Variants in DAB1 observed in about 807,000 individuals in gnomAD.
The protein encoded by DAB1 is DAB adaptor protein 1, also known as disabled homolog 1.
In DAB1, 15 loss-of-function variants were observed where a neutral mutation model predicts 64.6. The ratio of observed to expected loss-of-function variants is 0.23; its 90% CI spans 0.16 to 0.36. The LOEUF (loss-of-function observed/expected upper bound fraction) is 0.36, where lower values mean the gene tolerates loss of function less well. DAB1 is among the 10% of genes least tolerant of loss of function. The pLI, the probability that DAB1 is intolerant of heterozygous loss-of-function variation, is 1.00. For missense variants in DAB1, 596 were observed against 706.7 expected, an observed-to-expected ratio of 0.84 and a Z score of 1.78; for synonymous variants, 235 against 251.9, an observed-to-expected ratio of 0.93 and a Z score of 0.64.
chr1:57,296,168 C>T (rs1673180171), intron 1 of DAB1, among the ~76,000 whole-genome samples: 1 of 152,078 alleles, frequency 6.6e-6, no homozygotes, highest in South Asian at 2.1e-4. Flanking sequence ...GGGAGCCAAG[C>T]TTCTCCTATG....
At chr1:57,484,541 A>G (rs900480678) in intron 7 of DAB1, among the ~76,000 whole-genome samples, 15 of 152,158 alleles carry the variant, frequency 9.9e-5, no homozygotes, top group Admixed American at 4.6e-4. Context: ...GCTGCCAATG[A>G]TAGGTAGGGA....
rs141013955 is a variant in DAB1 at position 58,307,073 on chromosome 1, G to A, written n.309+36279C>T. On this transcript the variant is annotated intron_variant and non_coding_transcript_variant, in intron 4 of 20. Transcript: ENST00000485760. ...ACCAAAAGCTGACTCTTCAACTAGT[G>A]TTTTCTCTACTCTACAAGGAAGTCT... is the stretch of plus-strand genomic sequence containing the variant. Among the ~76,000 whole-genome samples the A allele has an allele frequency of 6.4e-3, 969 of 152,222 alleles. 7 individuals are homozygous for A. Among genetic ancestry groups the A allele is most frequent in the Middle Eastern group, 0.054 (16 of 294 alleles).
At chr1:58,073,819 C>T (rs77472225) in intron 5 of DAB1, among the ~76,000 whole-genome samples, 9,199 of 152,074 alleles carry the variant, frequency 0.06, 329 homozygotes, top group Middle Eastern at 0.099. Flanking sequence ...AATTAACTTA[C>T]GAAGGTATAA....
chr1:58,341,780 A>G (rs1643938008), intron 4 of DAB1, among the ~76,000 whole-genome samples: 1 of 152,198 alleles, frequency 6.6e-6, no homozygotes, highest in South Asian at 2.1e-4. Context: ...TCTGCTACAC[A>G]CTAGCTCCTC....
At chr1:58,171,675 C>T (rs1656184295) in intron 4 of DAB1, among the ~76,000 whole-genome samples, 1 of 152,198 alleles carries the variant, frequency 6.6e-6, no homozygotes, top group Non-Finnish European at 1.5e-5. Flanking sequence ...ATGGTCTTGT[C>T]CCAAGGGTTT....
chr1:58,471,463 T>TG lies in DAB1; in HGVS notation n.257+34596dup, dbSNP rs1434567342. Among the ~76,000 whole-genome samples, 3 of 152,200 alleles carry TG rather than the reference T, an allele frequency of 2.0e-5. No individual in the cohort carries two copies. In the East Asian group the frequency reaches 5.8e-4, roughly 29 times the overall value. The stretch of plus-strand genomic sequence containing the variant: ...ACATAATTGACTTAGACATTCATGA[T>TG]GTCTCGGGCAGGGAATACTGCCACC... On this transcript the variant is annotated intron_variant and non_coding_transcript_variant, in intron 3 of 20. Coordinates refer to the DAB1 transcript ENST00000485760.
intron 1 of DAB1, among the ~76,000 whole-genome samples, chr1:57,361,123 G>C (rs1254659537): frequency 6.6e-6 from 1 of 152,044 alleles, no homozygotes; most frequent in Non-Finnish European, 1.5e-5. Context: ...AGAAAAACAA[G>C]TAAAGCTTTC....
intron 3 of DAB1, among the ~76,000 whole-genome samples, chr1:58,400,172 C>G (rs1199274576): frequency 6.6e-6 from 1 of 151,698 alleles, no homozygotes; most frequent in African/African-American, 2.4e-5. Context: ...TTCTCTGCAT[C>G]TCGTTTCTCT....
intron 1 of DAB1, among the ~76,000 whole-genome samples, chr1:57,412,594 G>T (rs1199157625): frequency 6.6e-6 from 1 of 152,220 alleles, no homozygotes; most frequent in Admixed American, 6.5e-5. Context: ...AGTGGATATG[G>T]AAAGAATTTT....
intron 3 of DAB1, among the ~76,000 whole-genome samples, chr1:58,437,905 T>C (rs1644963076): frequency 6.6e-6 from 1 of 152,088 alleles, no homozygotes. Flanking sequence ...GTGGAGACAG[T>C]TCTGTGGGTG....
At chr1:57,918,858 G>A (rs557147114) in intron 5 of DAB1, among the ~76,000 whole-genome samples, 9 of 151,976 alleles carry the variant, frequency 5.9e-5, no homozygotes, top group African/African-American at 2.2e-4. Flanking sequence ...GGACACACAA[G>A]AGGATCTGCC....
At chr1:58,524,544 CTT>C (rs565264381) in intron 2 of DAB1, among the ~76,000 whole-genome samples, 37 of 152,292 alleles carry the variant, frequency 2.4e-4, no homozygotes, top group African/African-American at 8.4e-4. Context: ...AGATAAAAGT[CTT>C]TTGCAAAAAG....
At chr1:57,193,718 T>C (rs1664375230) in intron 2 of DAB1, among the ~76,000 whole-genome samples, 1 of 152,206 alleles carries the variant, frequency 6.6e-6, no homozygotes. Context: ...TCTATTGGTT[T>C]TTAGAAATAT....
At chr1:58,058,157 A>C (rs1302727544) in intron 5 of DAB1, among the ~76,000 whole-genome samples, 1 of 152,076 alleles carries the variant, frequency 6.6e-6, no homozygotes, top group Non-Finnish European at 1.5e-5. Context: ...ATGGGTGCCT[A>C]GTATGTGTTA....
chr1:57,073,777 T>A (rs1199318903), intron 4 of DAB1, among the ~76,000 whole-genome samples: 3 of 152,200 alleles, frequency 2.0e-5, no homozygotes, highest in African/African-American at 7.2e-5. Flanking sequence ...AGAGGCCCCA[T>A]GCAATTTTCA....
At chr1:57,383,079 C>T (rs1454901532) in intron 1 of DAB1, among the ~76,000 whole-genome samples, 1 of 151,886 alleles carries the variant, frequency 6.6e-6, no homozygotes, top group Non-Finnish European at 1.5e-5. Context: ...ATAAAAGTGG[C>T]AGGGCTTGGG....
intron 14 of DAB1, among the ~76,000 whole-genome samples, chr1:57,005,619 A>T (rs573384605): frequency 1.1e-4 from 17 of 152,336 alleles, no homozygotes; most frequent in Non-Finnish European, 1.9e-4. Flanking sequence ...CAGAAAAGGA[A>T]ACCAAAGGTC....
chr1:58,092,720 T>C (rs1650743645), intron 5 of DAB1, among the ~76,000 whole-genome samples: 1 of 151,910 alleles, frequency 6.6e-6, no homozygotes. Context: ...AAGTAGAGAG[T>C]AGGTGCTCAA....
rs569256313 is a variant in DAB1, at chr1:57,457,859, G to C, written n.626-166693C>G. Reference sequence around the variant, plus strand: ...TAAGGATTACAGGATTGTCCAAGGAGCCAATGAGAAGAATTAAAACAGAAG... The same window carrying C: ...TAAGGATTACAGGATTGTCCAAGGACCCAATGAGAAGAATTAAAACAGAAG... On this transcript the variant is annotated intron_variant and non_coding_transcript_variant, in intron 7 of 20. Coordinates refer to the DAB1 transcript ENST00000485760. 5.3e-5 allele frequency among the ~76,000 whole-genome samples: 8 copies of C among 152,234 alleles called. 1 individual carries two copies. In the South Asian group the frequency reaches 1.2e-3, roughly 24 times the overall value.
Sources: allele counts gnomAD v4.1 joint callset (sites outside exome capture counted in the v4.1 genomes callset), GRCh38; gene constraint gnomAD v4.1.1; transcripts MANE v1.5; gene names NCBI Gene and HGNC (gene_info 2026-07-23, HGNC 2026-07-21).